CCDC18: variants seen among roughly 807,000 people sequenced by gnomAD.
CCDC18 encodes coiled-coil domain-containing protein 18.
Under a neutral mutation model 196.0 loss-of-function variants are expected in CCDC18, and 157 were observed. The observed-to-expected ratio is 0.80, with a 90% CI of 0.70 to 0.91. The LOEUF is 0.91. CCDC18 is among the 40% of genes least tolerant of loss of function. The pLI, the probability that CCDC18 is intolerant of heterozygous loss-of-function variation, is 0.00. For synonymous variants in CCDC18, 482 were observed against 529.2 expected (o/e 0.91, Z 1.22); for missense variants, 1,465 against 1,611.6 (o/e 0.91, Z 1.56).
At chr1:93,215,418 A>C (rs1444380517) in intron 12 of CCDC18, among the ~76,000 whole-genome samples, 1 of 150,448 alleles carries the variant, frequency 6.6e-6, no homozygotes, top group Non-Finnish European at 1.5e-5. Context: ...GATTCAGTAT[A>C]TATGGGCACA....
intron 21 of CCDC18, among the ~76,000 whole-genome samples, chr1:93,242,685 A>G (rs1472531676): frequency 6.6e-6 from 1 of 152,222 alleles, no homozygotes; most frequent in African/African-American, 2.4e-5. Flanking sequence ...CTGTAAAATC[A>G]AAAGCAAGTT....
intron 21 of CCDC18, among the ~76,000 whole-genome samples, chr1:93,242,864 C>T (rs1012919660): frequency 3.3e-5 from 5 of 152,258 alleles, no homozygotes; most frequent in African/African-American, 4.8e-5. Context: ...CCATGTCTCA[C>T]ATCCAGGTCA....
chr1:93,267,708 A>G (rs535976163), intron 27 of CCDC18, among the ~76,000 whole-genome samples: 3 of 152,332 alleles, frequency 2.0e-5, no homozygotes, highest in African/African-American at 7.2e-5. Flanking sequence ...AGAGAATAAA[A>G]TACCTAGGAA....
At chr1:93,222,016 C>A (rs1217367267) in intron 16 of CCDC18, 80 bp downstream of exon 16, 12 of 966,676 alleles carry the variant, frequency 1.2e-5, no homozygotes, top group African/African-American at 1.7e-5. Flanking sequence ...TTTGCCTAGG[C>A]TGGAGTGCAG....
intron 16 of CCDC18, 89 bp downstream of exon 16, chr1:93,222,025 A>T: frequency 1.2e-6 from 1 of 856,542 alleles, no homozygotes. Flanking sequence ...GCTGGAGTGC[A>T]GTGGCATGAT....
chr1:93,218,595 C>T (rs1439456197), intron 14 of CCDC18, among the ~76,000 whole-genome samples: 1 of 151,830 alleles, frequency 6.6e-6, no homozygotes, highest in African/African-American at 2.4e-5. Flanking sequence ...CTGCAGTCTC[C>T]GCCTTCTGGG....
chr1:93,209,019 C>T (rs975426454), intron 9 of CCDC18, among the ~76,000 whole-genome samples: 3 of 151,952 alleles, frequency 2.0e-5, no homozygotes, highest in Admixed American at 6.5e-5. Context: ...AGTGCAATGG[C>T]GAGATCTTGG....
chr1:93,190,070 G>A (rs1489202521), intron 4 of CCDC18, among the ~76,000 whole-genome samples: 8 of 151,712 alleles, frequency 5.3e-5, no homozygotes, highest in African/African-American at 1.7e-4. Flanking sequence ...TTTTTGTTCC[G>A]ATTGTTTTGT....
At chr1:93,203,706 C>T (rs1654230747) in intron 7 of CCDC18, among the ~76,000 whole-genome samples, 1 of 152,076 alleles carries the variant, frequency 6.6e-6, no homozygotes, top group Non-Finnish European at 1.5e-5. Flanking sequence ...TGGCTTATGC[C>T]TGTAATTCCA....
rs1430236755 is a variant in CCDC18, at chr1:93,232,504, C to T, written c.2371C>T (p.His791Tyr). ...ETSEQNVILQHTLQQQQQMLQ... is the reference protein window; with the variant it reads ...ETSEQNVILQYTLQQQQQMLQ... ...TTCTGAGCAAAACGTTATTCTACAG[C>T]ATACTCTTCAGCAACAGCAGCAAAT... Residue 791 changes from histidine (H) to tyrosine (Y), a missense_variant, in exon 18 of 29, where the codon CAT becomes TAT. His to Tyr is a moderately conservative substitution (Grantham distance 83). Transcript: ENST00000690025. The T allele has an allele frequency of 6.2e-7, 1 of 1,611,840 alleles. No homozygotes were observed. The highest frequency in any genetic ancestry group is 2.2e-5 in the East Asian group (1 of 44,840).
intron 8 of CCDC18, among the ~76,000 whole-genome samples, chr1:93,206,374 A>G (rs1007288139): frequency 6.6e-6 from 1 of 152,146 alleles, no homozygotes; most frequent in Non-Finnish European, 1.5e-5. Flanking sequence ...CAATTACACT[A>G]TGATGCAATC....
At chr1:93,268,800 A>C (rs542845794) in intron 27 of CCDC18, among the ~76,000 whole-genome samples, 1 of 151,926 alleles carries the variant, frequency 6.6e-6, no homozygotes, top group Admixed American at 6.5e-5. Flanking sequence ...GGATGTGGAG[A>C]ACTAGGAACA....
intron 28 of CCDC18, among the ~76,000 whole-genome samples, chr1:93,274,753 TG>T (rs1665536478): frequency 6.6e-6 from 1 of 151,970 alleles, no homozygotes; most frequent in African/African-American, 2.4e-5. Flanking sequence ...GAAGCTGAGG[TG>T]GGAGGATTGC....
chr1:93,269,255 A>T (rs2101499086), intron 27 of CCDC18, among the ~76,000 whole-genome samples: 1 of 121,278 alleles, frequency 8.2e-6, no homozygotes, highest in East Asian at 2.7e-4. Context: ...GGTGGGGAAC[A>T]TCACACACTG....
At chr1:93,262,041 A>C (rs1231446441) in intron 26 of CCDC18, 1 of 152,078 alleles carries the variant, frequency 6.6e-6, no homozygotes, top group African/African-American at 2.4e-5. Context: ...TAAATGCCAC[A>C]CTTTTAAACC....
chr1:93,193,569 G>A (rs768369230), intron 5 of CCDC18, 47 bp from the exon 6 acceptor site: 4 of 1,295,530 alleles, frequency 3.1e-6, no homozygotes, highest in African/African-American at 1.5e-5. Flanking sequence ...TGCATACCTG[G>A]GATAATCTCT....
chr1:93,246,116 T>G lies in CCDC18; in HGVS notation c.2993T>G (p.Met998Arg). The change falls in exon 22 of 29, where the codon ATG becomes AGG. Residue 998 changes from methionine (M) to arginine (R), a missense_variant. Transcript: ENST00000690025. ...DLTAELRECK[M>R]EIEDKKQELL... is the part of the protein sequence containing the mutation. Reference sequence around the variant, plus strand: ...TTGATAAATTGTAGAGAATGCAAGATGGAGATTGAAGACAAAAAGCAGGAG... The same window carrying G: ...TTGATAAATTGTAGAGAATGCAAGAGGGAGATTGAAGACAAAAAGCAGGAG... 6.2e-7 allele frequency: 1 copy of G among 1,600,090 alleles called. No homozygotes were observed. The highest frequency in any genetic ancestry group is 1.1e-5 in the South Asian group (1 of 88,650).
intron 4 of CCDC18, among the ~76,000 whole-genome samples, 165 bp from the exon 5 acceptor site, chr1:93,191,835 A>G (rs1651859670): frequency 6.6e-6 from 1 of 152,202 alleles, no homozygotes; most frequent in Non-Finnish European, 1.5e-5. Context: ...TATAATGATG[A>G]TATGCCCATG....
chr1:93,236,615 AGGATCATACCT>A (rs1486354226), intron 19 of CCDC18, among the ~76,000 whole-genome samples: 2 of 152,286 alleles, frequency 1.3e-5, no homozygotes, highest in African/African-American at 4.8e-5. Context: ...TCTTAAGGCA[AGGATCATACCT>A]GGTTTATTTT....
Sources: gnomAD v4.1 joint callset for allele counts (sites outside exome capture counted in the v4.1 genomes callset) on GRCh38, gnomAD v4.1.1 for gene constraint, MANE v1.5 for transcripts, NCBI Gene and HGNC (gene_info 2026-07-23, HGNC 2026-07-21) for gene names.